Variants in SGK3 observed in about 807,000 individuals in gnomAD.
SGK3 encodes the protein serum/glucocorticoid regulated kinase family member 3.
SGK3 carries 47 observed loss-of-function variants against 68.5 expected under a neutral mutation model. The ratio of observed to expected loss-of-function variants is 0.69; its 90% CI spans 0.54 to 0.87. The LOEUF (loss-of-function observed/expected upper bound fraction) is 0.87. Among genes scored for constraint, SGK3 ranks in the 40% least tolerant of loss-of-function variants. SGK3 has a pLI of 0.00. For missense variants in SGK3, 479 were observed against 575.5 expected (o/e 0.83, Z 1.72); for synonymous variants, 181 against 189.1 (o/e 0.96, Z 0.35).
chr8:66,838,731 TGGA>T (rs1342408142), intron 10 of SGK3, among the ~76,000 whole-genome samples: 1 of 151,768 alleles, frequency 6.6e-6, no homozygotes, highest in Non-Finnish European at 1.5e-5. Context: ...CCAGGGTGGG[TGGA>T]GGAGAAGTTG....
intron 1 of SGK3, among the ~76,000 whole-genome samples, chr8:66,721,007 G>A (rs757609960): frequency 2.0e-5 from 3 of 152,094 alleles, no homozygotes; most frequent in African/African-American, 7.2e-5. Context: ...TGAAATACTC[G>A]TCTAATAATG....
intron 1 of SGK3, among the ~76,000 whole-genome samples, chr8:66,753,914 C>T (rs1186346983): frequency 6.6e-6 from 1 of 152,222 alleles, no homozygotes; most frequent in Non-Finnish European, 1.5e-5. Context: ...CCACGTTCTC[C>T]TAGAAGTCAT....
rs1198997963 is a variant in SGK3 at position 66,732,302 on chromosome 8, A to C, written c.-122+19469A>C. Among the ~76,000 whole-genome samples the C allele has an allele frequency of 1.2e-4, 18 of 152,270 alleles. No homozygotes were observed. In the East Asian group the frequency reaches 2.9e-3, roughly 24 times the overall value. On this transcript the variant is annotated intron_variant, in intron 1 of 16. Coordinates refer to ENST00000521198, the MANE Select transcript of SGK3 (RefSeq NM_001033578.3). ...ATATTTGGACATTTTAGTGCCATCA[A>C]CCATGAGTTTGTGAAAATGATATAA...
In SGK3 at chr8:66,861,125, A is replaced by C. The variant is rs1258897207; in HGVS notation, c.*1544A>C. 1.3e-5 allele frequency: 2 copies of C among 152,198 alleles called. No individual in the cohort carries two copies. Among genetic ancestry groups the C allele is most frequent in the Non-Finnish European group, 2.9e-5 (2 of 68,040 alleles). The allele number at this position is 152,198 out of a possible 1,614,324, so 9.4% of individuals were successfully genotyped here. On this transcript the variant is annotated 3_prime_UTR_variant, in exon 17 of 17. Coordinates refer to ENST00000521198, the MANE Select transcript of SGK3 (RefSeq NM_001033578.3). ...GGGTGCCACAGCGAGACCCTAGTTA[A>C]GAGAAAAAAAAAGTAAAAACAAATT...
intron 1 of SGK3, among the ~76,000 whole-genome samples, chr8:66,723,358 C>T (rs574497730): frequency 1.3e-5 from 2 of 150,852 alleles, no homozygotes; most frequent in South Asian, 4.2e-4. Context: ...GCAGGAGAAT[C>T]GCTTGAACCC....
intron 1 of SGK3, among the ~76,000 whole-genome samples, chr8:66,740,465 A>G (rs1805446141): frequency 6.6e-6 from 1 of 152,170 alleles, no homozygotes; most frequent in South Asian, 2.1e-4. Context: ...ATAGTTTATG[A>G]TTTTTTATTA....
intron 1 of SGK3, among the ~76,000 whole-genome samples, chr8:66,714,870 C>T (rs543200376): frequency 1.3e-5 from 2 of 152,282 alleles, no homozygotes; most frequent in South Asian, 4.1e-4. Context: ...AGAGGCAGAG[C>T]TTGAATGGAG....
Position 66,715,414 on chromosome 8 carries a change from T to C in SGK3, c.-122+2581T>C, listed in dbSNP as rs117810424. On this transcript the variant is annotated intron_variant, in intron 1 of 16. Coordinates refer to ENST00000521198, the MANE Select transcript of SGK3 (RefSeq NM_001033578.3). ...CTGGGGCTACAGGTGCATGCCCCCA[T>C]ACCTGGCTAATTTTTGTGTTTTTAG... 4.6e-5 allele frequency among the ~76,000 whole-genome samples: 7 copies of C among 152,246 alleles called. No individual in the cohort carries two copies. In the East Asian group the frequency reaches 1.4e-3, roughly 29 times the overall value.
At chr8:66,850,241 A>G (rs1247753656) in intron 15 of SGK3, among the ~76,000 whole-genome samples, 2 of 152,210 alleles carry the variant, frequency 1.3e-5, no homozygotes, top group African/African-American at 4.8e-5. Context: ...TTTCTCTAAG[A>G]AGTCTTTTTT....
At chr8:66,851,198 C>T (rs1451365096) in intron 16 of SGK3, among the ~76,000 whole-genome samples, 2 of 152,118 alleles carry the variant, frequency 1.3e-5, no homozygotes, top group East Asian at 3.8e-4. Flanking sequence ...AACAAGTCAG[C>T]CAGGCATGGT....
chr8:66,857,690 G>A (rs1316442675), intron 16 of SGK3, among the ~76,000 whole-genome samples: 1 of 152,044 alleles, frequency 6.6e-6, no homozygotes, highest in African/African-American at 2.4e-5. Flanking sequence ...GGCTAAGGCA[G>A]GATGATCCCT....
intron 1 of SGK3, among the ~76,000 whole-genome samples, chr8:66,776,672 T>A (rs952945509): frequency 6.6e-6 from 1 of 152,240 alleles, no homozygotes; most frequent in Non-Finnish European, 1.5e-5. Flanking sequence ...TTGATGATAG[T>A]TACTATCTTT....
intron 1 of SGK3, among the ~76,000 whole-genome samples, chr8:66,783,488 C>T (rs905604453): frequency 6.6e-6 from 1 of 151,912 alleles, no homozygotes; most frequent in Non-Finnish European, 1.5e-5. Context: ...TTGTGGTCAT[C>T]TAATTTTTGT....
chr8:66,851,611 T>C (rs1286383930), intron 16 of SGK3, among the ~76,000 whole-genome samples: 4 of 151,756 alleles, frequency 2.6e-5, no homozygotes, highest in Non-Finnish European at 5.9e-5. Context: ...GGGAAAACAA[T>C]AGGATAGTAT....
intron 1 of SGK3, among the ~76,000 whole-genome samples, chr8:66,783,354 A>T (rs187823524): frequency 3.7e-4 from 56 of 152,300 alleles, no homozygotes; most frequent in African/African-American, 8.2e-4. Flanking sequence ...TTTAGATAAC[A>T]GTCCTTTATT....
intron 4 of SGK3, among the ~76,000 whole-genome samples, chr8:66,805,948 T>C (rs1808141479): frequency 1.3e-5 from 2 of 152,220 alleles, no homozygotes; most frequent in South Asian, 4.1e-4. Context: ...TTCGTTTTCC[T>C]CCCAGACCAT....
At chr8:66,791,286 G>A (rs949543278) in intron 1 of SGK3, among the ~76,000 whole-genome samples, 1 of 152,188 alleles carries the variant, frequency 6.6e-6, no homozygotes, top group East Asian at 1.9e-4. Flanking sequence ...GAGGACAAAA[G>A]CAAAGTGTGC....
intron 10 of SGK3, among the ~76,000 whole-genome samples, chr8:66,839,577 T>G (rs1809712955): frequency 7.7e-6 from 1 of 130,324 alleles, no homozygotes; most frequent in Non-Finnish European, 1.6e-5. Flanking sequence ...GGGTTATATT[T>G]GTTCTGCTGG....
At chr8:66,768,720 A>G (rs1585689035) in intron 1 of SGK3, among the ~76,000 whole-genome samples, 2 of 152,184 alleles carry the variant, frequency 1.3e-5, no homozygotes, top group East Asian at 3.9e-4. Flanking sequence ...GTGTGCCACC[A>G]CACCCGGCTA....
Sources: allele counts gnomAD v4.1 joint callset (sites outside exome capture counted in the v4.1 genomes callset), GRCh38; gene constraint gnomAD v4.1.1; transcripts MANE v1.5; gene names NCBI Gene and HGNC (gene_info 2026-07-23, HGNC 2026-07-21).